MEOX2: variants seen among roughly 807,000 people sequenced by gnomAD.
MEOX2 encodes the protein mesenchyme homeobox 2.
In MEOX2, 11 loss-of-function variants were observed where a neutral mutation model predicts 27.0. The observed-to-expected ratio is 0.41, with a 90% CI of 0.26 to 0.68. The LOEUF (loss-of-function observed/expected upper bound fraction) is 0.68. MEOX2 is among the 30% of genes least tolerant of loss of function. MEOX2 has a pLI of 0.33. For synonymous variants in MEOX2, 189 were observed against 155.4 expected, an observed-to-expected ratio of 1.22 and a Z score of -1.61; for missense variants, 436 against 385.4, an observed-to-expected ratio of 1.13 and a Z score of -1.10.
At chr7:15,636,676 T>C (rs1463923095) in intron 1 of MEOX2, among the ~76,000 whole-genome samples, 5 of 152,090 alleles carry the variant, frequency 3.3e-5, no homozygotes, top group African/African-American at 4.8e-5. Context: ...AGAACATAAA[T>C]GTAATTATTA....
At chr7:15,655,567 T>A (rs2115379898) in intron 1 of MEOX2, among the ~76,000 whole-genome samples, 1 of 151,930 alleles carries the variant, frequency 6.6e-6, no homozygotes, top group Admixed American at 6.6e-5. Flanking sequence ...AACAATGTTG[T>A]ATTTTCATTT....
At chr7:15,666,551 T>C (rs1004525899) in intron 1 of MEOX2, among the ~76,000 whole-genome samples, 2 of 150,766 alleles carry the variant, frequency 1.3e-5, no homozygotes, top group Non-Finnish European at 3.0e-5. Context: ...CAGGAGTTCA[T>C]GACCAGCCTG....
intron 1 of MEOX2, among the ~76,000 whole-genome samples, chr7:15,632,460 C>T (rs1035627017): frequency 2.0e-5 from 3 of 151,704 alleles, no homozygotes; most frequent in African/African-American, 7.3e-5. Flanking sequence ...TAAGAATATG[C>T]CAACCCAATG....
intron 1 of MEOX2, among the ~76,000 whole-genome samples, chr7:15,670,967 T>C (rs539494018): frequency 1.1e-4 from 17 of 152,312 alleles, no homozygotes; most frequent in African/African-American, 3.8e-4. Context: ...TAATAAGATA[T>C]CTGAGATGTT....
At chr7:15,650,186 T>C (rs576524750) in intron 1 of MEOX2, among the ~76,000 whole-genome samples, 49 of 152,174 alleles carry the variant, frequency 3.2e-4, no homozygotes, top group Non-Finnish European at 6.6e-4. Flanking sequence ...TCACAAAAAC[T>C]ATACTTGCTT....
At chr7:15,654,242 T>C (rs150702835) in intron 1 of MEOX2, among the ~76,000 whole-genome samples, 3 of 152,066 alleles carry the variant, frequency 2.0e-5, no homozygotes, top group East Asian at 1.9e-4. Flanking sequence ...GTAATTTTTG[T>C]ATGTTTATCT....
intron 2 of MEOX2, among the ~76,000 whole-genome samples, chr7:15,619,376 C>A (rs1781179675): frequency 6.6e-6 from 1 of 151,816 alleles, no homozygotes; most frequent in Non-Finnish European, 1.5e-5. Context: ...ATGATATGTT[C>A]CCTAACATTA....
chr7:15,616,059 A>AT (rs1457405582), intron 2 of MEOX2, among the ~76,000 whole-genome samples: 3 of 151,736 alleles, frequency 2.0e-5, no homozygotes, highest in Non-Finnish European at 4.4e-5. Flanking sequence ...TTACCATTTT[A>AT]TTTTTTAAAA....
At chr7:15,612,711 G>C (rs990221375) in intron 2 of MEOX2, 100 bp from the exon 3 acceptor site, 1 of 915,500 alleles carries the variant, frequency 1.1e-6, no homozygotes, top group African/African-American at 1.7e-5. Context: ...TTCCTCAAAG[G>C]CTTATACAAA....
chr7:15,626,490 T>C (rs577166025), intron 2 of MEOX2, among the ~76,000 whole-genome samples: 1 of 152,010 alleles, frequency 6.6e-6, no homozygotes, highest in Non-Finnish European at 1.5e-5. Flanking sequence ...AATAATATTT[T>C]AAAACCCAAA....
intron 1 of MEOX2, among the ~76,000 whole-genome samples, chr7:15,629,632 G>A (rs1562598450): frequency 1.3e-5 from 2 of 152,078 alleles, no homozygotes; most frequent in African/African-American, 4.8e-5. Flanking sequence ...TGGCACCAGT[G>A]TTGATTAATC....
intron 1 of MEOX2, among the ~76,000 whole-genome samples, chr7:15,633,544 G>A (rs550841209): frequency 7.2e-5 from 11 of 151,962 alleles, no homozygotes; most frequent in African/African-American, 2.2e-4. Flanking sequence ...CAATTCTGCC[G>A]GTAGTGCAGT....
intron 2 of MEOX2, among the ~76,000 whole-genome samples, chr7:15,615,194 C>T (rs932158259): frequency 6.6e-6 from 1 of 151,848 alleles, no homozygotes; most frequent in Non-Finnish European, 1.5e-5. Context: ...ATACAGTATT[C>T]TAATACAGTT....
At chr7:15,685,167 G>C (rs906337159) in intron 1 of MEOX2, among the ~76,000 whole-genome samples, 1 of 152,128 alleles carries the variant, frequency 6.6e-6, no homozygotes, top group African/African-American at 2.4e-5. Flanking sequence ...TCTGTAATTA[G>C]CTTACACCAC....
chr7:15,621,405 T>C (rs1781221274), intron 2 of MEOX2, among the ~76,000 whole-genome samples: 1 of 152,222 alleles, frequency 6.6e-6, no homozygotes, highest in Admixed American at 6.5e-5. Context: ...GCCTCTTTTT[T>C]TCCTTCTTTG....
At chr7:15,633,857 C>T (rs1583753532) in intron 1 of MEOX2, among the ~76,000 whole-genome samples, 1 of 151,842 alleles carries the variant, frequency 6.6e-6, no homozygotes, top group Non-Finnish European at 1.5e-5. Context: ...TACTATTCTG[C>T]TGTATCTTTG....
At position 15,611,399 on chromosome 7, in the gene MEOX2, T is replaced by C. The variant is rs1026432751; in HGVS notation, c.*988A>G. 1 of 152,610 alleles carries C rather than the reference T, an allele frequency of 6.6e-6. No homozygotes were observed. The highest frequency in any genetic ancestry group is 1.5e-5 in the Non-Finnish European group (1 of 68,026). 9.5% of individuals were successfully genotyped at this position (152,610 alleles called of 1,614,324 possible). A position where few individuals can be genotyped will look rare whatever the true frequency, so the allele number is the denominator to read the frequency against. ...CTTTGCACCTTGTCTAACACTGTTGTCAATCAGGAAGAAATGTTTTCTTGT... is the reference window on the plus strand; with the variant it reads ...CTTTGCACCTTGTCTAACACTGTTGCCAATCAGGAAGAAATGTTTTCTTGT... On this transcript the variant is annotated 3_prime_UTR_variant, in exon 3 of 3. Transcript: ENST00000262041.
chr7:15,654,216 A>G (rs892759229), intron 1 of MEOX2, among the ~76,000 whole-genome samples: 3 of 152,072 alleles, frequency 2.0e-5, no homozygotes, highest in Admixed American at 1.3e-4. Context: ...TTGCCAGTTA[A>G]CAGAAATAAA....
intron 2 of MEOX2, among the ~76,000 whole-genome samples, chr7:15,624,180 T>C (rs556360394): frequency 3.3e-5 from 5 of 152,332 alleles, no homozygotes; most frequent in African/African-American, 1.2e-4. Context: ...AATTAAATTC[T>C]TTTTGACTAA....
Sources: allele counts gnomAD v4.1 joint callset (sites outside exome capture counted in the v4.1 genomes callset), GRCh38; gene constraint gnomAD v4.1.1; transcripts MANE v1.5; gene names NCBI Gene and HGNC (gene_info 2026-07-23, HGNC 2026-07-21).